CMTM8: variants seen among roughly 807,000 people sequenced by gnomAD.
CMTM8 encodes the protein CKLF like MARVEL transmembrane domain containing 8.
Under a neutral mutation model 18.6 loss-of-function variants are expected in CMTM8, and 12 were observed. The ratio of observed to expected loss-of-function variants is 0.65; its 90% CI spans 0.41 to 1.05. The LOEUF is 1.05. Ranked by LOEUF, CMTM8 falls within the 50% of genes least tolerant of loss-of-function variation. The pLI is 0.00. For synonymous variants in CMTM8, 87 were observed against 90.6 expected (o/e 0.96, Z 0.23); for missense variants, 217 against 227.2 (o/e 0.95, Z 0.29).
At chr3:32,305,212 C>T (rs1695695764) in intron 1 of CMTM8, among the ~76,000 whole-genome samples, 2 of 146,842 alleles carry the variant, frequency 1.4e-5, no homozygotes, top group Non-Finnish European at 1.5e-5. Context: ...CCCTAGGGAA[C>T]ATTTGGTAAT....
At chr3:32,332,449 T>G (rs1696298546) in intron 1 of CMTM8, among the ~76,000 whole-genome samples, 1 of 147,588 alleles carries the variant, frequency 6.8e-6, no homozygotes, top group African/African-American at 2.5e-5. Context: ...ACCTGGGGAG[T>G]GGCAGAGAGG....
chr3:32,320,507 T>C (rs1012919663), intron 1 of CMTM8, among the ~76,000 whole-genome samples: 2 of 152,248 alleles, frequency 1.3e-5, no homozygotes, highest in East Asian at 1.9e-4. Flanking sequence ...CAGCTGCTAA[T>C]GCAGAAGAGA....
chr3:32,333,772 G>A (rs1259732111), intron 1 of CMTM8, among the ~76,000 whole-genome samples: 1 of 152,082 alleles, frequency 6.6e-6, no homozygotes, highest in African/African-American at 2.4e-5. Context: ...ACTGTGTGCT[G>A]GCTCTGATGA....
rs575305666 is a variant in CMTM8 at position 32,271,678 on chromosome 3, G to T, written c.147+32559G>T. Among the ~76,000 whole-genome samples, 3 of 152,202 alleles carry T rather than the reference G, an allele frequency of 2.0e-5. No homozygotes were observed. In the South Asian group the frequency reaches 6.2e-4, roughly 32 times the overall value. The stretch of plus-strand genomic sequence containing the variant: ...CTCCTGTATTGCCATCTTTTGAACT[G>T]ATTAAATTTTCCTGTTTGTGTTTCT... On this transcript the variant is annotated intron_variant, in intron 1 of 3. Coordinates refer to ENST00000307526, the MANE Select transcript of CMTM8 (RefSeq NM_178868.5).
intron 1 of CMTM8, among the ~76,000 whole-genome samples, chr3:32,355,327 A>G (rs937103683): frequency 3.3e-5 from 5 of 152,144 alleles, no homozygotes; most frequent in African/African-American, 1.2e-4. Context: ...TTCCTCTTCC[A>G]TTGTTCCAAC....
intron 3 of CMTM8, among the ~76,000 whole-genome samples, 199 bp from the exon 4 acceptor site, chr3:32,369,685 G>T (rs915675693): frequency 6.6e-6 from 1 of 152,208 alleles, no homozygotes. Context: ...CAGGCTTTCA[G>T]ATGTTCTCCG....
intron 1 of CMTM8, among the ~76,000 whole-genome samples, chr3:32,265,204 TA>T (rs1702318017): frequency 6.6e-6 from 1 of 152,176 alleles, no homozygotes; most frequent in African/African-American, 2.4e-5. Context: ...TAGTTGGAAG[TA>T]AAGCACTCCT....
chr3:32,266,914 A>T (rs965658557), intron 1 of CMTM8, among the ~76,000 whole-genome samples: 4 of 152,248 alleles, frequency 2.6e-5, no homozygotes, highest in African/African-American at 9.6e-5. Context: ...GACCTCTTCA[A>T]GGAGAACTGC....
In CMTM8 at chr3:32,358,523, T is replaced by C. The variant is rs1696861275; in HGVS notation, c.321+977T>C. ...CAAATAACTGACTTATGAACCAAAT[T>C]TGAAATATAGTCTATTTGTGGTTAT... On this transcript the variant is annotated intron_variant, in intron 2 of 3. Coordinates refer to ENST00000307526, the MANE Select transcript of CMTM8 (RefSeq NM_178868.5). The surrounding 1 kb of genome is among the most constrained non-coding windows in gnomAD (Gnocchi z 4.1). Among the ~76,000 whole-genome samples, 1 of 152,218 alleles carries C rather than the reference T, an allele frequency of 6.6e-6. No individual in the cohort carries two copies. Among genetic ancestry groups the C allele is most frequent in the Non-Finnish European group, 1.5e-5 (1 of 68,040 alleles).
chr3:32,263,541 G>A (rs918720673), intron 1 of CMTM8, among the ~76,000 whole-genome samples: 8 of 152,182 alleles, frequency 5.3e-5, no homozygotes, highest in African/African-American at 1.4e-4. Context: ...AAATCAGAGC[G>A]CCTCTCCTCC....
At chr3:32,314,170 T>C (rs7639933) in intron 1 of CMTM8, among the ~76,000 whole-genome samples, 267 of 152,306 alleles carry the variant, frequency 1.8e-3, no homozygotes, top group African/African-American at 6.1e-3. Context: ...CATCATTACT[T>C]TGTTCTCCAT....
At chr3:32,241,143 G>T (rs1701942150) in intron 1 of CMTM8, among the ~76,000 whole-genome samples, 1 of 152,150 alleles carries the variant, frequency 6.6e-6, no homozygotes, top group African/African-American at 2.4e-5. Context: ...GTTTCTCCCA[G>T]TGTCTTCATC....
intron 1 of CMTM8, among the ~76,000 whole-genome samples, chr3:32,244,278 C>T (rs1701982934): frequency 6.6e-6 from 1 of 152,198 alleles, no homozygotes; most frequent in Non-Finnish European, 1.5e-5. Flanking sequence ...CAACCTGGAA[C>T]TCCTGGGCTC....
At chr3:32,260,342 C>G in intron 1 of CMTM8, 1 of 556,500 alleles carries the variant, frequency 1.8e-6, no homozygotes, top group Admixed American at 3.2e-5. Context: ...ATGAACTATA[C>G]GTTAATATTT....
chr3:32,369,818 A>C, intron 3 of CMTM8, 66 bp from the exon 4 acceptor site: 4 of 1,038,144 alleles, frequency 3.9e-6, no homozygotes, highest in South Asian at 1.4e-5. Context: ...ATGGAGGTGA[A>C]ATGATAACTT....
At chr3:32,239,176 T>G (rs1262751702) in intron 1 of CMTM8, 57 bp downstream of exon 1, 95 of 1,534,340 alleles carry the variant, frequency 6.2e-5, no homozygotes, top group Non-Finnish European at 7.6e-5. Context: ...GGCGCGTGCT[T>G]CCGCCGTGCT....
At chr3:32,367,787 G>C (rs1005334573) in intron 2 of CMTM8, 85 bp from the exon 3 acceptor site, 52 of 856,686 alleles carry the variant, frequency 6.1e-5, no homozygotes, top group Non-Finnish European at 8.5e-5. Context: ...CCCCACACCA[G>C]AGGTACAGCC....
At chr3:32,271,741 A>T (rs1041813720) in intron 1 of CMTM8, among the ~76,000 whole-genome samples, 3 of 152,260 alleles carry the variant, frequency 2.0e-5, no homozygotes, top group Non-Finnish European at 4.4e-5. Context: ...GCTATGCTGT[A>T]TTCTTTTAGT....
chr3:32,244,745 A>G (rs767806490), intron 1 of CMTM8, among the ~76,000 whole-genome samples: 1 of 152,172 alleles, frequency 6.6e-6, no homozygotes, highest in East Asian at 1.9e-4. Context: ...AGGGTTTACT[A>G]GCATAACCAG....
Sources: gnomAD v4.1 joint callset for allele counts (sites outside exome capture counted in the v4.1 genomes callset) on GRCh38, gnomAD v4.1.1 for gene constraint, Gnocchi (gnomAD v3.1) non-coding constraint, MANE v1.5 for transcripts, NCBI Gene and HGNC (gene_info 2026-07-23, HGNC 2026-07-21) for gene names.